Variants in FSHR observed in about 807,000 individuals in gnomAD.
FSHR encodes follicle-stimulating hormone receptor.
Under a neutral mutation model 52.1 loss-of-function variants are expected in FSHR, and 46 were observed. The ratio of observed to expected loss-of-function variants is 0.88; its 90% confidence interval spans 0.70 to 1.13. The LOEUF is 1.13. Among genes scored for constraint, FSHR ranks in the 50% most tolerant of loss-of-function variants. FSHR has a pLI of 0.00. For missense variants in FSHR, 964 were observed against 834.6 expected, an observed-to-expected ratio of 1.16 and a Z score of -1.91; for synonymous variants, 399 against 309.6, an observed-to-expected ratio of 1.29 and a Z score of -3.03.
chr2:49,077,356 C>T (rs2103645021), intron 1 of FSHR, among the ~76,000 whole-genome samples: 1 of 152,306 alleles, frequency 6.6e-6, no homozygotes, highest in East Asian at 1.9e-4. Flanking sequence ...TCCTTTCAGC[C>T]ACAGCTGGAG....
At chr2:49,138,009 G>T (rs567501512) in intron 1 of FSHR, among the ~76,000 whole-genome samples, 1 of 152,086 alleles carries the variant, frequency 6.6e-6, no homozygotes, top group Admixed American at 6.5e-5. Context: ...AAGTGAAAAG[G>T]CTCACATAAT....
intron 1 of FSHR, among the ~76,000 whole-genome samples, chr2:49,074,071 G>C (rs1197332772): frequency 6.6e-6 from 1 of 151,978 alleles, no homozygotes; most frequent in African/African-American, 2.4e-5. Context: ...TATAAGACCT[G>C]AAATGATAAA....
intron 4 of FSHR, among the ~76,000 whole-genome samples, chr2:48,997,598 C>A (rs1240233749): frequency 1.3e-5 from 2 of 152,108 alleles, no homozygotes; most frequent in East Asian, 3.9e-4. Flanking sequence ...GTTGGAGTCT[C>A]CAGGGCTCAG....
At chr2:49,059,254 C>G (rs146644336) in intron 2 of FSHR, among the ~76,000 whole-genome samples, 3 of 151,776 alleles carry the variant, frequency 2.0e-5, no homozygotes, top group Admixed American at 6.6e-5. Flanking sequence ...TGCCGTCATT[C>G]ACAGAAGTAG....
At chr2:48,973,624 T>C (rs1371156393) in intron 8 of FSHR, among the ~76,000 whole-genome samples, 1 of 152,238 alleles carries the variant, frequency 6.6e-6, no homozygotes, top group Non-Finnish European at 1.5e-5. Flanking sequence ...CCACTGACTA[T>C]CTTTTGCTTT....
chr2:49,093,626 G>C (rs1486499594), intron 1 of FSHR, among the ~76,000 whole-genome samples: 6 of 118,284 alleles, frequency 5.1e-5, no homozygotes, highest in African/African-American at 1.9e-4. Flanking sequence ...ACGGAGTCTT[G>C]CTCTGTCTCC....
chr2:49,114,485 A>G (rs922709589), intron 1 of FSHR, among the ~76,000 whole-genome samples: 1 of 152,206 alleles, frequency 6.6e-6, no homozygotes, highest in African/African-American at 2.4e-5. Context: ...AGGTTTTCAC[A>G]TTAACTGGAA....
chr2:48,962,522 G>T lies in FSHR; in HGVS notation c.*211C>A, dbSNP rs1288975263. 6.8e-6 allele frequency: 4 copies of T among 584,622 alleles called. No homozygotes were observed. Among genetic ancestry groups the T allele is most frequent in the Middle Eastern group, 4.6e-4 (1 of 2,164 alleles). The allele number at this position is 584,622 out of a possible 1,614,324, so 36.2% of individuals were successfully genotyped here. ...AGGATAAAATATGTAATACAGTATTGCATTCTTTAATTATTATTGTTGTTA... is the reference window on the plus strand; with the variant it reads ...AGGATAAAATATGTAATACAGTATTTCATTCTTTAATTATTATTGTTGTTA... On this transcript the variant is annotated 3_prime_UTR_variant, in exon 10 of 10. Transcript: ENST00000406846.
intron 8 of FSHR, among the ~76,000 whole-genome samples, chr2:48,978,112 C>A (rs537445313): frequency 6.6e-6 from 1 of 152,268 alleles, no homozygotes; most frequent in Admixed American, 6.5e-5. Flanking sequence ...TAGTACTCTT[C>A]ATTTTGAGAT....
At chr2:49,080,973 C>G (rs904679444) in intron 1 of FSHR, among the ~76,000 whole-genome samples, 3 of 152,168 alleles carry the variant, frequency 2.0e-5, no homozygotes, top group Non-Finnish European at 4.4e-5. Context: ...TTCAAACTAG[C>G]CAATCTTAAG....
At chr2:49,004,711 T>C (rs1190559640) in intron 4 of FSHR, among the ~76,000 whole-genome samples, 1 of 152,108 alleles carries the variant, frequency 6.6e-6, no homozygotes. Flanking sequence ...GAGGATGATA[T>C]AGCAATAAGA....
intron 2 of FSHR, among the ~76,000 whole-genome samples, chr2:49,059,410 T>TG (rs1196931015): frequency 7.6e-5 from 11 of 144,688 alleles, no homozygotes; most frequent in Admixed American, 3.5e-4. Flanking sequence ...AGCATGGTAC[T>TG]GGGGGAAAAA....
chr2:49,059,982 T>G (rs553423492), intron 2 of FSHR, among the ~76,000 whole-genome samples: 1 of 152,082 alleles, frequency 6.6e-6, no homozygotes, highest in South Asian at 2.1e-4. Context: ...ATATCCAGAA[T>G]ATATAAGAAA....
At chr2:49,006,631 A>G (rs1667084756) in intron 4 of FSHR, among the ~76,000 whole-genome samples, 1 of 152,122 alleles carries the variant, frequency 6.6e-6, no homozygotes, top group African/African-American at 2.4e-5. Flanking sequence ...AGAAGCCCAC[A>G]ACAAGCTTTC....
At chr2:49,037,633 AAAGTT>A (rs1334449009) in intron 2 of FSHR, among the ~76,000 whole-genome samples, 1 of 152,210 alleles carries the variant, frequency 6.6e-6, no homozygotes. Context: ...ACACGAATAT[AAAGTT>A]AAGGTAATTA....
chr2:49,129,923 C>T (rs2103807751), intron 1 of FSHR, among the ~76,000 whole-genome samples: 1 of 152,224 alleles, frequency 6.6e-6, no homozygotes, highest in East Asian at 1.9e-4. Flanking sequence ...TTTATAATTT[C>T]AGGTTTTTCA....
At chr2:49,038,631 ATAATAATAATAAT>A (rs1668374787) in intron 2 of FSHR, among the ~76,000 whole-genome samples, 2 of 99,642 alleles carry the variant, frequency 2.0e-5, no homozygotes, top group African/African-American at 4.3e-5. Flanking sequence ...TCTCAAAATA[ATAATAATAATAAT>A]AATAATAATA....
chr2:48,962,760 G>A lies in FSHR; in HGVS notation c.2061C>T (p.Val687=), dbSNP rs765968933. The stretch of plus-strand genomic sequence containing the variant: ...AGTTTTGGGCTAAATGACTTAGAGG[G>A]ACAAGTATGTAAGTGGAACCACTGG... ...RVTSGSTYIL[V]PLSHLAQN Residue 687 remains valine, a synonymous_variant, in exon 10 of 10, where the codon GTC becomes GTT. Coordinates refer to ENST00000406846, the MANE Select transcript of FSHR (RefSeq NM_000145.4). 1.2e-6 allele frequency: 2 copies of A among 1,613,836 alleles called. No individual in the cohort carries two copies. Among genetic ancestry groups the A allele is most frequent in the Non-Finnish European group, 8.5e-7 (1 of 1,179,846 alleles).
intron 6 of FSHR, among the ~76,000 whole-genome samples, chr2:48,984,015 T>C (rs1031207533): frequency 5.3e-5 from 8 of 152,196 alleles, no homozygotes; most frequent in African/African-American, 1.9e-4. Flanking sequence ...GAAGAACCTC[T>C]GACTACCTGC....
Sources: allele counts gnomAD v4.1 joint callset (sites outside exome capture counted in the v4.1 genomes callset), GRCh38; gene constraint gnomAD v4.1.1; transcripts MANE v1.5; gene names NCBI Gene and HGNC (gene_info 2026-07-23, HGNC 2026-07-21).